Variants in IFTAP observed in about 807,000 individuals in gnomAD.
IFTAP encodes intraflagellar transport associated protein, also known as intraflagellar transport-associated protein.
A neutral mutation model predicts 19.4 loss-of-function variants in IFTAP; 19 were observed. The observed-to-expected ratio is 0.98, with a 90% CI of 0.68 to 1.44. The LOEUF (loss-of-function observed/expected upper bound fraction) is 1.44. Among genes scored for constraint, IFTAP ranks in the 40% most tolerant of loss-of-function variants. The pLI is 0.00. For synonymous variants in IFTAP, 85 were observed against 83.5 expected (o/e 1.02, Z -0.10); for missense variants, 240 against 253.6 (o/e 0.95, Z 0.36).
chr11:36,608,868 T>G (rs564411404), intron 1 of IFTAP, among the ~76,000 whole-genome samples: 1 of 152,196 alleles, frequency 6.6e-6, no homozygotes, highest in African/African-American at 2.4e-5. Context: ...CCATGTCATA[T>G]AGGGCACGGG....
At chr11:36,649,577 A>G (rs1565031494) in intron 5 of IFTAP, among the ~76,000 whole-genome samples, 2 of 152,290 alleles carry the variant, frequency 1.3e-5, no homozygotes, top group East Asian at 3.9e-4. Flanking sequence ...ATCTAGTACA[A>G]TTATAGAAAT....
At chr11:36,655,211 A>G (rs1417651768) in intron 5 of IFTAP, among the ~76,000 whole-genome samples, 1 of 152,122 alleles carries the variant, frequency 6.6e-6, no homozygotes, top group Non-Finnish European at 1.5e-5. Context: ...ACTCACAAAT[A>G]TGAAATTCTG....
In IFTAP at chr11:36,611,581, G is replaced by A. The variant is rs182946929; in HGVS notation, c.136+1342G>A. ...TATAATGTATAAATGTAAAAGAAAA[G>A]TAGTAGTTATAACGAAAAGAAAATA... is the stretch of plus-strand genomic sequence containing the variant. On this transcript the variant is annotated intron_variant, in intron 2 of 5. Transcript: ENST00000334307. Among the ~76,000 whole-genome samples, 1,421 of 152,136 alleles carry A rather than the reference G, an allele frequency of 9.3e-3. 26 individuals carry two copies. Among genetic ancestry groups the A allele is most frequent in the African/African-American group, 0.032 (1,334 of 41,506 alleles).
intron 5 of IFTAP, among the ~76,000 whole-genome samples, chr11:36,652,541 T>C (rs1333076286): frequency 6.6e-6 from 1 of 152,168 alleles, no homozygotes; most frequent in Non-Finnish European, 1.5e-5. Context: ...GAATACCCTT[T>C]ATTTCTTTCT....
chr11:36,643,938 G>T (rs553314483), intron 4 of IFTAP, among the ~76,000 whole-genome samples: 28 of 152,258 alleles, frequency 1.8e-4, no homozygotes, highest in Non-Finnish European at 4.0e-4. Context: ...ACAGGCATGG[G>T]CAAGGACTTC....
chr11:36,607,841 T>C (rs941319959), intron 1 of IFTAP, among the ~76,000 whole-genome samples: 2 of 152,066 alleles, frequency 1.3e-5, no homozygotes, highest in Non-Finnish European at 2.9e-5. Context: ...GCCTGGCTAA[T>C]TTTGTATTTT....
intron 2 of IFTAP, among the ~76,000 whole-genome samples, chr11:36,632,392 C>T (rs903287274): frequency 6.6e-6 from 1 of 151,162 alleles, no homozygotes; most frequent in Admixed American, 6.6e-5. Context: ...TTTGCAGCTG[C>T]CTTTGGGTCA....
At chr11:36,626,405 T>A (rs1852513377) in intron 2 of IFTAP, among the ~76,000 whole-genome samples, 1 of 151,356 alleles carries the variant, frequency 6.6e-6, no homozygotes, top group Non-Finnish European at 1.5e-5. Context: ...AGAGGCCATG[T>A]CATATAATTT....
intron 2 of IFTAP, among the ~76,000 whole-genome samples, chr11:36,622,083 A>ATTTTTTTTTTTTTTTTTTT (rs199873596): frequency 4.3e-5 from 6 of 138,202 alleles, no homozygotes; most frequent in Non-Finnish European, 6.1e-5. Flanking sequence ...CTCTTGTTCT[A>ATTTTTTTTTTTTTTTTTTT]TTTTTTATTT....
At chr11:36,636,687 C>G (rs1044059337) in intron 4 of IFTAP, among the ~76,000 whole-genome samples, 2 of 152,096 alleles carry the variant, frequency 1.3e-5, no homozygotes, top group African/African-American at 4.8e-5. Flanking sequence ...AAAAGAAAAT[C>G]CATTTTTTTG....
In IFTAP at chr11:36,659,231, C is replaced by A; in HGVS notation, c.*45C>A. ...TGTGTGTGCTTATTTTAATTTTGTTCTTATTCTAGCAACATTAGAATAAAA... is the reference window on the plus strand; with the variant it reads ...TGTGTGTGCTTATTTTAATTTTGTTATTATTCTAGCAACATTAGAATAAAA... On this transcript the variant is annotated 3_prime_UTR_variant, in exon 6 of 6. Transcript: ENST00000334307. 1 of 1,444,348 alleles carries A rather than the reference C, an allele frequency of 6.9e-7. No homozygotes were observed. Among genetic ancestry groups the A allele is most frequent in the Non-Finnish European group, 9.2e-7 (1 of 1,086,332 alleles). The allele number at this position is 1,444,348 out of a possible 1,614,324, so 89.5% of individuals were successfully genotyped here. A position where few individuals can be genotyped will look rare whatever the true frequency, so the allele number is the denominator to read the frequency against.
At chr11:36,596,130 T>C (rs1484966620) in intron 1 of IFTAP, among the ~76,000 whole-genome samples, 1 of 152,124 alleles carries the variant, frequency 6.6e-6, no homozygotes, top group Non-Finnish European at 1.5e-5. Flanking sequence ...GATACTATAA[T>C]TTATCTAATT....
At chr11:36,623,959 AT>A (rs1246118754) in intron 2 of IFTAP, among the ~76,000 whole-genome samples, 11 of 151,952 alleles carry the variant, frequency 7.2e-5, no homozygotes, top group Non-Finnish European at 8.8e-5. Flanking sequence ...ATAGAAAAAA[AT>A]GTAAAATTAT....
At chr11:36,620,017 C>T (rs1162410775) in intron 2 of IFTAP, among the ~76,000 whole-genome samples, 1 of 151,898 alleles carries the variant, frequency 6.6e-6, no homozygotes, top group Non-Finnish European at 1.5e-5. Context: ...CATATAAGGA[C>T]TTGCTAATAA....
intron 1 of IFTAP, among the ~76,000 whole-genome samples, chr11:36,596,989 G>T (rs868333289): frequency 6.6e-6 from 1 of 152,204 alleles, no homozygotes; most frequent in African/African-American, 2.4e-5. Context: ...TCCCTTTGAT[G>T]CTCTGCTTTT....
intron 2 of IFTAP, among the ~76,000 whole-genome samples, chr11:36,613,047 CAT>C (rs1338916703): frequency 4.6e-5 from 7 of 152,000 alleles, no homozygotes; most frequent in African/African-American, 1.7e-4. Context: ...TTTAAAGAGA[CAT>C]ATTAATTATT....
chr11:36,608,733 T>C (rs373594004), intron 1 of IFTAP, among the ~76,000 whole-genome samples: 16 of 152,172 alleles, frequency 1.1e-4, no homozygotes, highest in African/African-American at 3.6e-4. Context: ...ATTGAGAATG[T>C]GAGTCAGTCT....
At chr11:36,636,141 T>A (rs748278137) in intron 4 of IFTAP, 24 bp downstream of exon 4, 1 of 1,557,426 alleles carries the variant, frequency 6.4e-7, no homozygotes, top group South Asian at 1.1e-5. Context: ...TTCCTTTCTA[T>A]ACTACCTGAC....
intron 4 of IFTAP, among the ~76,000 whole-genome samples, chr11:36,643,633 C>T (rs931237579): frequency 2.6e-5 from 4 of 152,186 alleles, no homozygotes; most frequent in Admixed American, 6.6e-5. Context: ...CAGCATGGTA[C>T]TGGTACCAAA....
Sources: gnomAD v4.1 joint callset for allele counts (sites outside exome capture counted in the v4.1 genomes callset) on GRCh38, gnomAD v4.1.1 for gene constraint, MANE v1.5 for transcripts, NCBI Gene and HGNC (gene_info 2026-07-23, HGNC 2026-07-21) for gene names.